Variants in WWOX observed in about 807,000 individuals in gnomAD.
WWOX encodes WW domain-containing oxidoreductase.
In WWOX, 69 loss-of-function variants were observed where a neutral mutation model predicts 46.2. That is an observed-to-expected ratio of 1.49 (90% CI 1.23 to 1.82). The LOEUF is 1.82. Ranked by LOEUF, WWOX falls within the 40% of genes most tolerant of loss-of-function variation. WWOX has a pLI of 0.00. For missense variants in WWOX, 919 were observed against 542.6 expected (o/e 1.69, Z -6.89); for synonymous variants, 359 against 202.6 (o/e 1.77, Z -6.56).
intron 8 of WWOX, chr16:78,825,375 A>C: frequency 7.5e-6 from 2 of 268,090 alleles, no homozygotes; most frequent in Non-Finnish European, 1.5e-5. Context: ...CTGGCTAAAG[A>C]CGCTTCTCTG....
intron 8 of WWOX, among the ~76,000 whole-genome samples, chr16:78,605,374 A>AT (rs1282641767): frequency 6.6e-6 from 1 of 151,678 alleles, no homozygotes; most frequent in Non-Finnish European, 1.5e-5. Context: ...AAAAAAAAAA[A>AT]TCCAGGTGCA....
chr16:78,915,737 C>G (rs929159069), intron 8 of WWOX, among the ~76,000 whole-genome samples: 4 of 152,098 alleles, frequency 2.6e-5, no homozygotes, highest in African/African-American at 9.7e-5. Flanking sequence ...CGTCATCTGC[C>G]TTGATCAAAC....
chr16:79,040,098 C>T (rs1269784954), intron 8 of WWOX, among the ~76,000 whole-genome samples: 1 of 152,048 alleles, frequency 6.6e-6, no homozygotes, highest in African/African-American at 2.4e-5. Context: ...CATTCCTACC[C>T]CATAGGTTGC....
chr16:78,403,753 G>C (rs2082465851), intron 6 of WWOX, among the ~76,000 whole-genome samples: 2 of 152,208 alleles, frequency 1.3e-5, no homozygotes, highest in East Asian at 1.9e-4. Context: ...GTTTTCAGTT[G>C]TAAGAGTAAA....
chr16:79,128,784 G>A lies in WWOX; in HGVS notation c.1057-82824G>A, dbSNP rs188456982. 2.5e-3 allele frequency among the ~76,000 whole-genome samples: 386 copies of A among 152,310 alleles called. 1 individual carries two copies. The highest frequency in any genetic ancestry group is 8.8e-3 in the African/African-American group (366 of 41,584). On this transcript the variant is annotated intron_variant, in intron 8 of 8. Transcript: ENST00000566780. ...TCTGAAGTCAGGGATAACAGAGCCGGGGGCGGAGGCTAGGTCTCCTTACAT... is the reference window on the plus strand; with the variant it reads ...TCTGAAGTCAGGGATAACAGAGCCGAGGGCGGAGGCTAGGTCTCCTTACAT...
At chr16:78,829,865 A>G (rs2051768029) in intron 8 of WWOX, among the ~76,000 whole-genome samples, 1 of 152,180 alleles carries the variant, frequency 6.6e-6, no homozygotes, top group Non-Finnish European at 1.5e-5. Flanking sequence ...TATTAATGAG[A>G]AAAGCTGTTG....
At chr16:79,049,141 G>A (rs972863024) in intron 8 of WWOX, among the ~76,000 whole-genome samples, 2 of 152,198 alleles carry the variant, frequency 1.3e-5, no homozygotes, top group African/African-American at 4.8e-5. Context: ...TTTAGACTTT[G>A]TGACCCATAC....
At chr16:78,977,067 A>G (rs1288460108) in intron 8 of WWOX, among the ~76,000 whole-genome samples, 1 of 152,190 alleles carries the variant, frequency 6.6e-6, no homozygotes, top group Non-Finnish European at 1.5e-5. Flanking sequence ...CGCACACGTC[A>G]ACACAGGAAC....
At position 78,536,375 on chromosome 16, in the gene WWOX, TG is replaced by T. The variant is rs534849448; in HGVS notation, c.1056+103624del. Reference sequence around the variant, plus strand: ...GTTCCATGAGAAAGAAGCTGCGAGCTGTGGGGCATCCAAGATAATGTAATCT... The same window carrying T: ...GTTCCATGAGAAAGAAGCTGCGAGCTTGGGGCATCCAAGATAATGTAATCT... On this transcript the variant is annotated intron_variant, in intron 8 of 8. Coordinates refer to ENST00000566780, the MANE Select transcript of WWOX (RefSeq NM_016373.4). Among the ~76,000 whole-genome samples, 273 of 151,906 alleles carry T rather than the reference TG, an allele frequency of 1.8e-3. 2 individuals are homozygous for T. The highest frequency in any genetic ancestry group is 4.7e-3 in the Admixed American group (71 of 15,222).
At chr16:79,012,209 C>T (rs1254160620) in intron 8 of WWOX, among the ~76,000 whole-genome samples, 2 of 152,124 alleles carry the variant, frequency 1.3e-5, no homozygotes, top group Admixed American at 6.5e-5. Context: ...GGCTGTGTGG[C>T]ACTTGGCATG....
At chr16:78,566,366 G>A (rs1200634173) in intron 8 of WWOX, among the ~76,000 whole-genome samples, 3 of 152,138 alleles carry the variant, frequency 2.0e-5, no homozygotes, top group Admixed American at 2.0e-4. Context: ...TCAGAAAATA[G>A]CAAGTATAGT....
intron 8 of WWOX, among the ~76,000 whole-genome samples, chr16:78,807,044 C>G (rs1455336246): frequency 6.6e-6 from 1 of 152,178 alleles, no homozygotes; most frequent in Non-Finnish European, 1.5e-5. Context: ...GAGGATTATG[C>G]AAATAAAATC....
intron 8 of WWOX, among the ~76,000 whole-genome samples, chr16:79,053,105 C>T (rs2048200492): frequency 7.5e-6 from 1 of 133,578 alleles, no homozygotes; most frequent in Admixed American, 7.3e-5. Flanking sequence ...ATCTTTTGAT[C>T]ATGTTCTTCA....
chr16:78,130,898 A>G (rs2151696069), intron 4 of WWOX, among the ~76,000 whole-genome samples: 1 of 152,300 alleles, frequency 6.6e-6, no homozygotes, highest in Non-Finnish European at 1.5e-5. Context: ...AGGCAGTGTC[A>G]TCGTTGTGCA....
At chr16:78,598,189 C>T (rs528542737) in intron 8 of WWOX, among the ~76,000 whole-genome samples, 1 of 152,214 alleles carries the variant, frequency 6.6e-6, no homozygotes, top group Non-Finnish European at 1.5e-5. Flanking sequence ...ACATCATATT[C>T]TCAAGAAGAA....
At chr16:78,598,600 G>C (rs1410573180) in intron 8 of WWOX, among the ~76,000 whole-genome samples, 1 of 152,090 alleles carries the variant, frequency 6.6e-6, no homozygotes, top group East Asian at 1.9e-4. Context: ...ACACCTCCTG[G>C]CTTGGTGTGT....
intron 8 of WWOX, among the ~76,000 whole-genome samples, chr16:78,886,259 T>G: frequency 6.6e-6 from 1 of 151,420 alleles, no homozygotes; most frequent in East Asian, 1.9e-4. Flanking sequence ...CCCATACCCA[T>G]TGTACACATT....
intron 7 of WWOX, among the ~76,000 whole-genome samples, chr16:78,428,280 GT>G (rs1447101940): frequency 6.6e-6 from 1 of 152,218 alleles, no homozygotes; most frequent in Non-Finnish European, 1.5e-5. Flanking sequence ...CATCTAAAGA[GT>G]TGTTTTACTA....
Position 78,240,324 on chromosome 16 carries a change from AT to A in WWOX, c.516+76036del, listed in dbSNP as rs377051915. ...CAAGACCCCATCTCTTAAAAAAAAA[AT>A]AACACCAAAAGACAAAACAGAAAAA... On this transcript the variant is annotated intron_variant, in intron 5 of 8. Transcript: ENST00000566780. Among the ~76,000 whole-genome samples, 242 of 151,218 alleles carry A rather than the reference AT, an allele frequency of 1.6e-3. 2 individuals carry two copies. The highest frequency in any genetic ancestry group is 5.8e-3 in the African/African-American group (238 of 41,000).
Sources: allele counts gnomAD v4.1 joint callset (sites outside exome capture counted in the v4.1 genomes callset), GRCh38; gene constraint gnomAD v4.1.1; transcripts MANE v1.5; gene names NCBI Gene and HGNC (gene_info 2026-07-23, HGNC 2026-07-21).